Variants in VPS37B observed in about 807,000 individuals in gnomAD.
The protein encoded by VPS37B is VPS37B subunit of ESCRT-I, also known as vacuolar protein sorting-associated protein 37B.
VPS37B carries 11 observed loss-of-function variants against 21.2 expected under a neutral mutation model. That is an observed-to-expected ratio of 0.52 (90% CI 0.33 to 0.86). The LOEUF is 0.86. Among genes scored for constraint, VPS37B ranks in the 40% least tolerant of loss-of-function variants. The pLI, the probability that VPS37B is intolerant of heterozygous loss-of-function variation, is 0.03. For missense variants in VPS37B, 389 were observed against 374.8 expected (o/e 1.04, Z -0.31); for synonymous variants, 175 against 159.6 (o/e 1.10, Z -0.73).
chr12:122,867,215 T>C lies in VPS37B; in HGVS notation c.759A>G (p.Gln253=), dbSNP rs1349660473. The C allele has an allele frequency of 6.3e-7, 1 of 1,575,430 alleles. No homozygotes were observed. Among genetic ancestry groups the C allele is most frequent in the South Asian group, 1.2e-5 (1 of 84,174 alleles). ...GGGACACGAACTGCGAAGAGAATCC[T>C]TGCTGAGTGGGGAGGCCCACGCGGG... ...LPPRVGLPTQ[Q]GFSSQFVSPY... Residue 253 remains glutamine, a synonymous_variant, in exon 4 of 4, where the codon CAA becomes CAG. Coordinates refer to ENST00000267202, the MANE Select transcript of VPS37B (RefSeq NM_024667.3). The surrounding 1 kb of genome is among the most constrained non-coding windows in gnomAD (Gnocchi z 5.5).
chr12:122,888,444 T>A lies in VPS37B; in HGVS notation c.111+7508A>T, dbSNP rs1298742799. 1.5e-5 allele frequency: 6 copies of A among 413,400 alleles called. No homozygotes were observed. The East Asian group carries it at 4.6e-4, about 32-fold the overall frequency. 25.6% of individuals were successfully genotyped at this position (413,400 alleles called of 1,614,324 possible). A position where few individuals can be genotyped will look rare whatever the true frequency, so the allele number is the denominator to read the frequency against. ...AAATAAACCAACGAGAACTCTTGTC[T>A]CAGCATGTTCTGAGCGCCAGTGATT... On this transcript the variant is annotated intron_variant, in intron 1 of 3. Transcript: ENST00000267202.
Position 122,870,933 on chromosome 12 carries a change from G to A in VPS37B, c.240C>T (p.Leu80=), listed in dbSNP as rs1193707221. 4 of 1,614,024 alleles carry A rather than the reference G, an allele frequency of 2.5e-6. No individual in the cohort carries two copies. In the South Asian group the frequency reaches 4.4e-5, roughly 18 times the overall value. ...KARLTQKYQE[L]QVLFEAYQIK... is the part of the protein sequence containing the mutation. ...TCTGATAGGCTTCAAAGAGAACCTG[G>A]AGTTCCTGGTATTTCTGGGTCAAGC... Residue 80 remains leucine, a synonymous_variant, in exon 2 of 4, where the codon CTC becomes CTT. Transcript: ENST00000267202.
chr12:122,868,718 A>T lies in VPS37B; in HGVS notation c.284-156T>A, dbSNP rs1232911554. 6.6e-6 allele frequency among the ~76,000 whole-genome samples: 1 copy of T among 152,192 alleles called. No homozygotes were observed. Among genetic ancestry groups the T allele is most frequent in the Admixed American group, 6.5e-5 (1 of 15,286 alleles). ...GAACAAGTGCACCAAGCCAGTGCCCAGGGGCCAACATCCCATGTCAGAGCA... is the reference window on the plus strand; with the variant it reads ...GAACAAGTGCACCAAGCCAGTGCCCTGGGGCCAACATCCCATGTCAGAGCA... On this transcript the variant is annotated intron_variant, in intron 2 of 3. Coordinates refer to ENST00000267202, the MANE Select transcript of VPS37B (RefSeq NM_024667.3). The surrounding 1 kb of genome is among the most constrained non-coding windows in gnomAD (Gnocchi z 5.5).
chr12:122,886,729 T>C (rs913653099), intron 1 of VPS37B: 2 of 152,212 alleles, frequency 1.3e-5, no homozygotes, highest in African/African-American at 4.8e-5. Context: ...CCACAAAATG[T>C]ATTCACAGTA....
chr12:122,871,173 T>C, intron 1 of VPS37B, 112 bp from the exon 2 acceptor site: 1 of 1,463,432 alleles, frequency 6.8e-7, no homozygotes. Context: ...CTCACTGGTC[T>C]CCACAGCTGG....
chr12:122,873,401 T>C (rs988922932), intron 1 of VPS37B: 3 of 152,222 alleles, frequency 2.0e-5, no homozygotes, highest in African/African-American at 7.2e-5. Context: ...GAAGGGCACA[T>C]TGTCCAGGCT....
rs1369741184 is a variant in VPS37B, at chr12:122,866,305, A to AT, written c.*810dup. The AT allele has an allele frequency of 6.6e-6, 1 of 152,620 alleles. No homozygotes were observed. Among genetic ancestry groups the AT allele is most frequent in the African/African-American group, 2.4e-5 (1 of 41,454 alleles). The allele number at this position is 152,620 out of a possible 1,614,324, so 9.5% of individuals were successfully genotyped here. The stretch of plus-strand genomic sequence containing the variant: ...TGCATTTTTTATAAAATTTCCCTGA[A>AT]TGGTCTTGGGAGTGTCAAAAAAGTT... On this transcript the variant is annotated 3_prime_UTR_variant, in exon 4 of 4. Coordinates refer to ENST00000267202, the MANE Select transcript of VPS37B (RefSeq NM_024667.3).
At chr12:122,895,162 T>G (rs544066770) in intron 1 of VPS37B, among the ~76,000 whole-genome samples, 1 of 152,142 alleles carries the variant, frequency 6.6e-6, no homozygotes, top group East Asian at 1.9e-4. Flanking sequence ...GGCTATGGTA[T>G]GACCATGGAC....
At chr12:122,872,378 C>G in intron 1 of VPS37B, 2 of 985,476 alleles carry the variant, frequency 2.0e-6, no homozygotes, top group South Asian at 9.4e-5. Context: ...CCCTAAAGAT[C>G]AGGCTCTGCT....
At chr12:122,871,640 T>C (rs1427949543) in intron 1 of VPS37B, 2 of 985,178 alleles carry the variant, frequency 2.0e-6, no homozygotes, top group Non-Finnish European at 2.4e-6. Flanking sequence ...CTCCTAGCTG[T>C]TGGTGGGTGA....
At chr12:122,891,466 T>C (rs1042895551) in intron 1 of VPS37B, among the ~76,000 whole-genome samples, 1 of 152,224 alleles carries the variant, frequency 6.6e-6, no homozygotes, top group Non-Finnish European at 1.5e-5. Flanking sequence ...AGCTCCGTGC[T>C]TTCCATGAAA....
chr12:122,889,722 CAAAA>C (rs11452783), intron 1 of VPS37B: 10 of 73,314 alleles, frequency 1.4e-4, no homozygotes, highest in Non-Finnish European at 2.1e-4. Flanking sequence ...AACTCGGTCT[CAAAA>C]AAAAAAAAAA....
At position 122,867,726 on chromosome 12, in the gene VPS37B, C is replaced by A; in HGVS notation, c.367-119G>T. The A allele has an allele frequency of 7.3e-7, 1 of 1,378,530 alleles. No individual in the cohort carries two copies. Among genetic ancestry groups the A allele is most frequent in the Non-Finnish European group, 1.0e-6 (1 of 998,668 alleles). 85.4% of individuals were successfully genotyped at this position (1,378,530 alleles called of 1,614,324 possible). A position where few individuals can be genotyped will look rare whatever the true frequency, so the allele number is the denominator to read the frequency against. ...TTCCAACACTGCCCCCTCCCTGTAACCACCCAGAGGGCCTCGCTCCTGCTC... is the reference window on the plus strand; with the variant it reads ...TTCCAACACTGCCCCCTCCCTGTAAACACCCAGAGGGCCTCGCTCCTGCTC... On this transcript the variant is annotated intron_variant, in intron 3 of 3. Transcript: ENST00000267202. This position sits in a 1 kb window ranked among gnomAD's most constrained non-coding sequence, Gnocchi z 5.5.
intron 1 of VPS37B, chr12:122,886,203 T>A (rs892670737): frequency 6.6e-6 from 1 of 152,146 alleles, no homozygotes; most frequent in African/African-American, 2.4e-5. Flanking sequence ...TAAATAAGCA[T>A]TTGCCAAAGT....
At chr12:122,886,276 A>C (rs2034326184) in intron 1 of VPS37B, 1 of 152,202 alleles carries the variant, frequency 6.6e-6, no homozygotes, top group South Asian at 2.1e-4. Flanking sequence ...TGAACGAGAA[A>C]TACTGTGTAG....
In VPS37B at chr12:122,868,598, G is replaced by A; in HGVS notation, c.284-36C>T. The A allele has an allele frequency of 6.3e-7, 1 of 1,588,128 alleles. No individual in the cohort carries two copies. The highest frequency in any genetic ancestry group is 8.6e-7 in the Non-Finnish European group (1 of 1,161,838). Reference sequence around the variant, plus strand: ...AGCAAGAGGTATGACAAAAGTGAGAGGTGTCCAGGTAAAGCCCTTCATGAT... The same window carrying A: ...AGCAAGAGGTATGACAAAAGTGAGAAGTGTCCAGGTAAAGCCCTTCATGAT... On this transcript the variant is annotated intron_variant, in intron 2 of 3. Transcript: ENST00000267202. This position sits in a 1 kb window ranked among gnomAD's most constrained non-coding sequence, Gnocchi z 5.5.
intron 1 of VPS37B, chr12:122,871,532 C>T (rs2034034621): frequency 1.0e-6 from 1 of 986,048 alleles, no homozygotes; most frequent in Admixed American, 6.1e-5. Context: ...AGAGGTCCAA[C>T]CAGCAAGCTG....
intron 1 of VPS37B, 71 bp downstream of exon 1, chr12:122,895,881 C>A: frequency 6.8e-7 from 1 of 1,460,590 alleles, no homozygotes. Flanking sequence ...GCCTCCGCCT[C>A]CGGCCACCGT....
intron 2 of VPS37B, among the ~76,000 whole-genome samples, chr12:122,869,116 A>T (rs1004164221): frequency 8.5e-5 from 13 of 152,314 alleles, no homozygotes; most frequent in Admixed American, 2.0e-4. Context: ...CAGGTCTGTG[A>T]ATCAGTTCGT....
Sources: gnomAD v4.1 joint callset for allele counts (sites outside exome capture counted in the v4.1 genomes callset) on GRCh38, gnomAD v4.1.1 for gene constraint, Gnocchi (gnomAD v3.1) non-coding constraint, MANE v1.5 for transcripts, NCBI Gene and HGNC (gene_info 2026-07-23, HGNC 2026-07-21) for gene names.